CTNND2: variants seen among roughly 807,000 people sequenced by gnomAD.
The protein encoded by CTNND2 is catenin delta 2.
A neutral mutation model predicts 144.4 loss-of-function variants in CTNND2; 22 were observed. That is an observed-to-expected ratio of 0.15 (90% CI 0.11 to 0.22). The LOEUF is 0.22. CTNND2 is among the 10% of genes least tolerant of loss of function. The pLI is 1.00. For missense variants in CTNND2, 1,353 were observed against 1,618.8 expected, an observed-to-expected ratio of 0.84 and a Z score of 2.82; for synonymous variants, 751 against 695.6, an observed-to-expected ratio of 1.08 and a Z score of -1.25.
intron 15 of CTNND2, among the ~76,000 whole-genome samples, chr5:11,098,028 C>G (rs1212476915): frequency 1.3e-5 from 2 of 152,200 alleles, no homozygotes; most frequent in Non-Finnish European, 1.5e-5. Context: ...AAAGGCTGTT[C>G]TAATCTCCTC....
At chr5:11,299,628 G>A (rs1580835760) in intron 9 of CTNND2, among the ~76,000 whole-genome samples, 2 of 152,172 alleles carry the variant, frequency 1.3e-5, no homozygotes, top group Admixed American at 6.5e-5. Context: ...TCTGTGGGTC[G>A]TCTAAGGTAG....
intron 1 of CTNND2, among the ~76,000 whole-genome samples, chr5:11,760,670 G>A (rs1441832613): frequency 3.3e-5 from 5 of 152,182 alleles, no homozygotes; most frequent in Non-Finnish European, 7.4e-5. Flanking sequence ...AGGGAGTGGA[G>A]CAGTAAGAAT....
At chr5:11,875,998 A>G (rs1463267787) in intron 1 of CTNND2, among the ~76,000 whole-genome samples, 2 of 152,232 alleles carry the variant, frequency 1.3e-5, no homozygotes, top group Non-Finnish European at 2.9e-5. Flanking sequence ...ATTGTGAAGA[A>G]AGTGTATAAA....
chr5:11,439,715 G>A (rs1764075147), intron 3 of CTNND2, among the ~76,000 whole-genome samples: 1 of 151,762 alleles, frequency 6.6e-6, no homozygotes, highest in Non-Finnish European at 1.5e-5. Flanking sequence ...GGATGTTACT[G>A]AGCTAGCTGC....
chr5:11,872,040 CA>C (rs1197516202), intron 1 of CTNND2, among the ~76,000 whole-genome samples: 2 of 152,060 alleles, frequency 1.3e-5, no homozygotes, highest in Non-Finnish European at 2.9e-5. Context: ...CCTAGCCCCC[CA>C]CCCCTCAACA....
At chr5:11,763,136 G>C (rs1295502504) in intron 1 of CTNND2, among the ~76,000 whole-genome samples, 2 of 152,134 alleles carry the variant, frequency 1.3e-5, no homozygotes, top group Non-Finnish European at 2.9e-5. Context: ...ATGTGAAGAT[G>C]GTACATGCTT....
intron 1 of CTNND2, among the ~76,000 whole-genome samples, chr5:11,746,307 C>G (rs1346980492): frequency 6.6e-6 from 1 of 152,170 alleles, no homozygotes; most frequent in East Asian, 1.9e-4. Flanking sequence ...AACTCCCTTT[C>G]TCTTTTCACT....
At position 11,384,781 on chromosome 5, in the gene CTNND2, C is replaced by A; in HGVS notation, c.1061G>T (p.Gly354Val). 1 of 1,612,984 alleles carries A rather than the reference C, an allele frequency of 6.2e-7. No homozygotes were observed. The highest frequency in any genetic ancestry group is 8.5e-7 in the Non-Finnish European group (1 of 1,179,650). Reference protein sequence around the residue: ...SPIHQLSSTIGTYATLSPTKR... With the variant: ...SPIHQLSSTIVTYATLSPTKR... ...GGTGGGCGACAGGGTGGCGTACGTG[C>A]CGATGGTGGAGCTCAGCTGGTGGAT... is the stretch of plus-strand genomic sequence containing the variant. Residue 354 changes from glycine (G) to valine (V), a missense_variant, in exon 7 of 22, where the codon GGC (glycine) becomes GTC (valine). Around this residue, in one of 4 missense-constraint regions of CTNND2, gnomAD observed 708 missense variants for 706.4 expected, o/e 1.00. Coordinates refer to ENST00000304623, the MANE Select transcript of CTNND2 (RefSeq NM_001332.4). This position sits in a 1 kb window ranked among gnomAD's most constrained non-coding sequence, Gnocchi z 5.2.
At chr5:11,614,662 T>C (rs1338163359) in intron 2 of CTNND2, among the ~76,000 whole-genome samples, 1 of 152,332 alleles carries the variant, frequency 6.6e-6, no homozygotes, top group South Asian at 2.1e-4. Flanking sequence ...AATGGATGAA[T>C]TGTGGGTATA....
intron 7 of CTNND2, among the ~76,000 whole-genome samples, chr5:11,365,513 T>G (rs61750665): frequency 9.6e-4 from 147 of 152,352 alleles, no homozygotes; most frequent in African/African-American, 3.2e-3. Context: ...TGCCTCTCTC[T>G]GAAAAAGTTA....
intron 3 of CTNND2, among the ~76,000 whole-genome samples, chr5:11,469,930 C>A (rs924658507): frequency 1.3e-5 from 2 of 152,196 alleles, no homozygotes; most frequent in South Asian, 2.1e-4. Flanking sequence ...AGCCCTTGAC[C>A]ATGCCTCCTC....
intron 3 of CTNND2, among the ~76,000 whole-genome samples, chr5:11,485,019 T>C (rs983742252): frequency 7.2e-5 from 11 of 152,274 alleles, no homozygotes; most frequent in Admixed American, 6.5e-4. Flanking sequence ...GAAAAAATCT[T>C]TAAGAACAAA....
intron 16 of CTNND2, among the ~76,000 whole-genome samples, chr5:11,061,467 TACA>T (rs372829712): frequency 4.1e-4 from 63 of 152,356 alleles, no homozygotes; most frequent in African/African-American, 1.3e-3. Flanking sequence ...GTTTTCCAGC[TACA>T]ACAACATTGA....
chr5:11,260,984 C>T (rs1453210840), intron 9 of CTNND2, among the ~76,000 whole-genome samples: 5 of 152,000 alleles, frequency 3.3e-5, no homozygotes, highest in African/African-American at 9.7e-5. Flanking sequence ...TTTTAGCTGT[C>T]GAATTGGCTC....
At chr5:11,209,385 A>G (rs1387899341) in intron 10 of CTNND2, among the ~76,000 whole-genome samples, 1 of 152,236 alleles carries the variant, frequency 6.6e-6, no homozygotes, top group Non-Finnish European at 1.5e-5. Flanking sequence ...ATAACCAGGA[A>G]ATAGAGCCCA....
chr5:11,558,911 C>T (rs958973363), intron 3 of CTNND2, among the ~76,000 whole-genome samples: 1 of 151,884 alleles, frequency 6.6e-6, no homozygotes, highest in Non-Finnish European at 1.5e-5. Flanking sequence ...GTAGGTAACA[C>T]GTAATTGGGA....
At chr5:11,674,362 T>C (rs1452281204) in intron 2 of CTNND2, among the ~76,000 whole-genome samples, 6 of 152,206 alleles carry the variant, frequency 3.9e-5, no homozygotes, top group Admixed American at 2.0e-4. Flanking sequence ...ACTTAACTTA[T>C]TAATTTTAGC....
At chr5:11,434,002 T>C (rs968067132) in intron 3 of CTNND2, among the ~76,000 whole-genome samples, 14 of 152,196 alleles carry the variant, frequency 9.2e-5, no homozygotes, top group African/African-American at 3.4e-4. Flanking sequence ...AGCATATATT[T>C]ACAAAAAGAC....
intron 15 of CTNND2, among the ~76,000 whole-genome samples, chr5:11,084,372 C>T (rs1749913937): frequency 6.6e-6 from 1 of 152,208 alleles, no homozygotes; most frequent in Non-Finnish European, 1.5e-5. Flanking sequence ...CATCTGCCTC[C>T]CCTACTCCTT....
Sources: allele counts gnomAD v4.1 joint callset (sites outside exome capture counted in the v4.1 genomes callset), GRCh38; gene constraint gnomAD v4.1.1; regional missense constraint gnomAD v4.1.1; non-coding constraint Gnocchi (gnomAD v3.1); transcripts MANE v1.5; gene names NCBI Gene and HGNC (gene_info 2026-07-23, HGNC 2026-07-21).